Variants in IQCJ observed in about 807,000 individuals in gnomAD.
IQCJ encodes IQ motif containing J, also known as IQ domain-containing protein J.
IQCJ carries 9 observed loss-of-function variants against 11.0 expected under a neutral mutation model. That is an observed-to-expected ratio of 0.82 (90% CI 0.49 to 1.43). The LOEUF (loss-of-function observed/expected upper bound fraction) is 1.43, where lower values mean the gene tolerates loss of function less well. Among genes scored for constraint, IQCJ ranks in the 40% most tolerant of loss-of-function variants. The pLI is 0.00. For synonymous variants in IQCJ, 55 were observed against 51.3 expected (o/e 1.07, Z -0.31); for missense variants, 146 against 133.2 (o/e 1.10, Z -0.47).
At chr3:159,210,481 G>A (rs1045398607) in intron 1 of IQCJ, among the ~76,000 whole-genome samples, 3 of 152,094 alleles carry the variant, frequency 2.0e-5, no homozygotes, top group African/African-American at 7.2e-5. Flanking sequence ...AGTGTGTAAT[G>A]GTAAGGAATG....
At chr3:159,232,149 C>G (rs190308672) in intron 1 of IQCJ, among the ~76,000 whole-genome samples, 1 of 151,952 alleles carries the variant, frequency 6.6e-6, no homozygotes, top group Non-Finnish European at 1.5e-5. Flanking sequence ...CTGCTCTGAT[C>G]TTAGTTATTT....
chr3:159,083,526 A>G (rs2108062474), intron 1 of IQCJ, among the ~76,000 whole-genome samples: 1 of 152,316 alleles, frequency 6.6e-6, no homozygotes, highest in East Asian at 1.9e-4. Flanking sequence ...ATAATGTGGT[A>G]CAACCACTCT....
chr3:159,233,483 T>G (rs569135408), intron 1 of IQCJ, among the ~76,000 whole-genome samples: 1 of 152,298 alleles, frequency 6.6e-6, no homozygotes, highest in Non-Finnish European at 1.5e-5. Context: ...GATACTTAGG[T>G]TAACATCCAT....
chr3:159,191,419 T>A (rs951057596), intron 1 of IQCJ, among the ~76,000 whole-genome samples: 2 of 152,160 alleles, frequency 1.3e-5, no homozygotes, highest in Non-Finnish European at 2.9e-5. Context: ...AAATGGTATA[T>A]CTCATTAGAC....
At chr3:159,107,485 A>T (rs887553342) in intron 1 of IQCJ, among the ~76,000 whole-genome samples, 1 of 152,192 alleles carries the variant, frequency 6.6e-6, no homozygotes, top group African/African-American at 2.4e-5. Flanking sequence ...GGCGACTGAG[A>T]TGCTACCTAA....
intron 1 of IQCJ, among the ~76,000 whole-genome samples, chr3:159,136,398 G>A (rs1425659348): frequency 1.3e-5 from 2 of 152,124 alleles, no homozygotes; most frequent in East Asian, 1.9e-4. Flanking sequence ...TCTGGATGGC[G>A]ATTTGAGTGT....
intron 1 of IQCJ, among the ~76,000 whole-genome samples, chr3:159,125,267 T>C (rs189152511): frequency 9.8e-5 from 15 of 152,318 alleles, no homozygotes; most frequent in Admixed American, 5.2e-4. Context: ...ACAAAATACC[T>C]GACCAGCACT....
intron 1 of IQCJ, among the ~76,000 whole-genome samples, chr3:159,235,210 A>G (rs1304722417): frequency 3.3e-5 from 5 of 152,176 alleles, no homozygotes; most frequent in Non-Finnish European, 7.3e-5. Context: ...TTGTGCCTAT[A>G]CCTATATTTT....
At chr3:159,085,800 G>A (rs1482451461) in intron 1 of IQCJ, among the ~76,000 whole-genome samples, 3 of 150,504 alleles carry the variant, frequency 2.0e-5, no homozygotes, top group African/African-American at 7.4e-5. Context: ...TGAGTTCATT[G>A]TAGATTCTGG....
intron 1 of IQCJ, among the ~76,000 whole-genome samples, chr3:159,203,251 A>G (rs1724454351): frequency 1.4e-5 from 2 of 147,778 alleles, no homozygotes; most frequent in African/African-American, 5.0e-5. Context: ...GACTCAGAGC[A>G]TGGATTTGAG....
intron 1 of IQCJ, among the ~76,000 whole-genome samples, chr3:159,071,629 A>G (rs1317793262): frequency 6.6e-6 from 1 of 152,080 alleles, no homozygotes; most frequent in African/African-American, 2.4e-5. Flanking sequence ...AGGTGTAAAA[A>G]GAGGTTTTGT....
At chr3:159,188,011 A>G (rs2108031810) in intron 1 of IQCJ, among the ~76,000 whole-genome samples, 1 of 152,330 alleles carries the variant, frequency 6.6e-6, no homozygotes, top group East Asian at 1.9e-4. Context: ...CCGACCAGAG[A>G]GGTGATTTTT....
At chr3:159,091,674 G>GCACA (rs1170628138) in intron 1 of IQCJ, among the ~76,000 whole-genome samples, 2,564 of 81,174 alleles carry the variant, frequency 0.032, 46 homozygotes, top group African/African-American at 0.046. Context: ...ACACACGCAT[G>GCACA]CACACACACA....
chr3:159,165,816 A>G (rs2108228702), intron 1 of IQCJ, among the ~76,000 whole-genome samples: 1 of 146,778 alleles, frequency 6.8e-6, no homozygotes, highest in African/African-American at 2.5e-5. Flanking sequence ...TTTTTAGTAA[A>G]GACAGGGTTT....
chr3:159,196,244 A>G (rs1175986052), intron 1 of IQCJ, among the ~76,000 whole-genome samples: 1 of 152,206 alleles, frequency 6.6e-6, no homozygotes, highest in African/African-American at 2.4e-5. Context: ...TTTTTATTGT[A>G]TCTTCTAACA....
intron 1 of IQCJ, among the ~76,000 whole-genome samples, chr3:159,143,487 T>C (rs952404895): frequency 6.6e-6 from 1 of 152,196 alleles, no homozygotes; most frequent in African/African-American, 2.4e-5. Context: ...CACATTATAT[T>C]CTCTCTTCAC....
At chr3:159,254,375 G>T (rs115293489) in intron 3 of IQCJ, among the ~76,000 whole-genome samples, 3 of 152,164 alleles carry the variant, frequency 2.0e-5, no homozygotes, top group African/African-American at 7.2e-5. Context: ...AGCTCAGAGA[G>T]CCTGAGATTT....
intron 1 of IQCJ, among the ~76,000 whole-genome samples, chr3:159,232,411 G>A (rs541779198): frequency 2.3e-4 from 35 of 150,766 alleles, no homozygotes; most frequent in Non-Finnish European, 4.7e-4. Context: ...TTCAGGAGCA[G>A]GTTGTTCAGT....
chr3:159,196,852 T>C (rs1724012003), intron 1 of IQCJ, among the ~76,000 whole-genome samples: 1 of 152,186 alleles, frequency 6.6e-6, no homozygotes, highest in South Asian at 2.1e-4. Context: ...TTCTAGTCCA[T>C]GTGACTGACC....
Sources: gnomAD v4.1 joint callset for allele counts (sites outside exome capture counted in the v4.1 genomes callset) on GRCh38, gnomAD v4.1.1 for gene constraint, MANE v1.5 for transcripts, NCBI Gene and HGNC (gene_info 2026-07-23, HGNC 2026-07-21) for gene names.